The following EDARADD variants were observed in gnomAD, a reference collection of about 807,000 sequenced individuals.
The protein encoded by EDARADD is EDAR associated via death domain.
Under a neutral mutation model 25.6 loss-of-function variants are expected in EDARADD, and 20 were observed. The ratio of observed to expected loss-of-function variants is 0.78; its 90% CI spans 0.55 to 1.14. EDARADD has a LOEUF of 1.14. Ranked by LOEUF, EDARADD falls within the 50% of genes most tolerant of loss-of-function variation. The pLI is 0.00. For missense variants in EDARADD, 225 were observed against 270.1 expected (o/e 0.83, Z 1.17); for synonymous variants, 86 against 94.4 (o/e 0.91, Z 0.52).
At chr1:236,394,257 A>T, upstream of EDARADD, 3 of 602,474 alleles carry the variant, frequency 5.0e-6, no homozygotes, top group East Asian at 2.9e-5. Flanking sequence ...AAATACCCTT[A>T]AAAAAAATTT....
intron 3 of EDARADD, among the ~76,000 whole-genome samples, chr1:236,372,044 A>G (rs755476728): frequency 2.0e-5 from 3 of 151,062 alleles, no homozygotes; most frequent in Non-Finnish European, 4.4e-5. Context: ...GCAGCCTCTG[A>G]CTCCCGGGTT....
chr1:236,454,025 A>T (rs1261739136), intron 4 of EDARADD, among the ~76,000 whole-genome samples: 4 of 150,912 alleles, frequency 2.7e-5, no homozygotes, highest in African/African-American at 7.4e-5. Context: ...AAGGATGCAG[A>T]GTTTGTATCT....
At chr1:236,470,305 T>A (rs1338248979) in intron 5 of EDARADD, among the ~76,000 whole-genome samples, 2 of 152,222 alleles carry the variant, frequency 1.3e-5, no homozygotes, top group Non-Finnish European at 2.9e-5. Context: ...GGAGCATTAA[T>A]TTTTTCCATA....
At chr1:236,464,423 C>CTTGCTT (rs1558133539) in intron 4 of EDARADD, among the ~76,000 whole-genome samples, 1 of 72,982 alleles carries the variant, frequency 1.4e-5, no homozygotes, top group Admixed American at 1.7e-4. Flanking sequence ...CTTGCTGCAA[C>CTTGCTT]TTTTTTTTTT....
intron 4 of EDARADD, among the ~76,000 whole-genome samples, chr1:236,431,617 G>C (rs188599133): frequency 6.6e-6 from 1 of 152,264 alleles, no homozygotes; most frequent in East Asian, 1.9e-4. Flanking sequence ...GGAGGAGGAG[G>C]TGGAAGTTAA....
At chr1:236,462,401 G>A (rs1001629922) in intron 4 of EDARADD, among the ~76,000 whole-genome samples, 4 of 151,470 alleles carry the variant, frequency 2.6e-5, no homozygotes, top group Non-Finnish European at 4.4e-5. Flanking sequence ...TCCATTTTGG[G>A]TTGGTCTATT....
At chr1:236,420,201 A>G (rs1657747997) in intron 3 of EDARADD, among the ~76,000 whole-genome samples, 1 of 152,182 alleles carries the variant, frequency 6.6e-6, no homozygotes. Flanking sequence ...AAATAAATAC[A>G]TAAAATAAAA....
chr1:236,424,154 CTT>C (rs34454343), intron 3 of EDARADD, among the ~76,000 whole-genome samples: 43 of 74,416 alleles, frequency 5.8e-4, no homozygotes, highest in African/African-American at 1.7e-3. Context: ...TGTGAAGCAT[CTT>C]TTTTTTTTTT....
chr1:236,409,308 T>C (rs1558114148), intron 2 of EDARADD, 34 bp downstream of exon 2: 1 of 1,545,222 alleles, frequency 6.5e-7, no homozygotes. Flanking sequence ...TGGTGATAAT[T>C]ATTGTTTTGC....
At chr1:236,401,859 T>C (rs748405012) in intron 1 of EDARADD, among the ~76,000 whole-genome samples, 8 of 152,088 alleles carry the variant, frequency 5.3e-5, no homozygotes, top group Non-Finnish European at 1.0e-4. Context: ...ATCATCAGAG[T>C]GGGCTCTAAA....
chr1:236,475,487 G>T (rs1348515786), intron 5 of EDARADD, among the ~76,000 whole-genome samples: 1 of 152,062 alleles, frequency 6.6e-6, no homozygotes, highest in Non-Finnish European at 1.5e-5. Context: ...CACACAGGGC[G>T]AGCACTGTGG....
intron 2 of EDARADD, among the ~76,000 whole-genome samples, chr1:236,412,816 A>G (rs776069330): frequency 6.6e-6 from 1 of 152,190 alleles, no homozygotes; most frequent in Non-Finnish European, 1.5e-5. Flanking sequence ...TTGTAATTCC[A>G]TCTCTGGGAA....
chr1:236,421,539 C>A (rs1208562251), intron 3 of EDARADD, among the ~76,000 whole-genome samples: 1 of 141,824 alleles, frequency 7.1e-6, no homozygotes, highest in Non-Finnish European at 1.5e-5. Flanking sequence ...ACTCTGTCGC[C>A]CAGGCTGGGG....
intron 3 of EDARADD, among the ~76,000 whole-genome samples, chr1:236,424,980 A>G (rs1657876118): frequency 6.6e-6 from 1 of 152,172 alleles, no homozygotes; most frequent in Non-Finnish European, 1.5e-5. Context: ...TTGTCTCCAT[A>G]TGTCCCAAGG....
intron 3 of EDARADD, among the ~76,000 whole-genome samples, chr1:236,370,191 C>T (rs774256266): frequency 6.6e-6 from 1 of 152,122 alleles, no homozygotes; most frequent in Non-Finnish European, 1.5e-5. Flanking sequence ...GAGGTGCAGG[C>T]GGGCAGATTG....
intron 3 of EDARADD, among the ~76,000 whole-genome samples, chr1:236,369,409 T>C (rs560302559): frequency 1.3e-5 from 2 of 152,354 alleles, no homozygotes; most frequent in African/African-American, 4.8e-5. Flanking sequence ...CTTATACAGA[T>C]TGCAGAGGCC....
Position 236,432,266 on chromosome 1 carries a change from A to AGGCATGCTTG in EDARADD, c.219+4816_219+4817insGGCATGCTTG, listed in dbSNP as rs1658116341. ...AAAAATTAACCACACCTGTGGTCCC[A>AGGCATGCTTG]TGGTCCCAGCTGCTCAGGAGGCTGA... On this transcript the variant is annotated intron_variant, in intron 4 of 5. Coordinates refer to ENST00000334232, the MANE Select transcript of EDARADD (RefSeq NM_145861.4). Among the ~76,000 whole-genome samples the AGGCATGCTTG allele has an allele frequency of 5.9e-5, 9 of 151,532 alleles. No homozygotes were observed. The South Asian group carries it at 1.9e-3, about 32-fold the overall frequency.
intron 3 of EDARADD, among the ~76,000 whole-genome samples, chr1:236,419,528 G>A (rs980451870): frequency 2.0e-5 from 3 of 152,178 alleles, no homozygotes; most frequent in Non-Finnish European, 4.4e-5. Flanking sequence ...CACCTATTAC[G>A]TTGGGCTGTG....
intron 5 of EDARADD, among the ~76,000 whole-genome samples, chr1:236,480,607 T>C (rs915561057): frequency 6.6e-6 from 1 of 152,156 alleles, no homozygotes; most frequent in Admixed American, 6.5e-5. Flanking sequence ...GTTATATATA[T>C]AGTAAAGGCT....
Sources: allele counts gnomAD v4.1 joint callset (sites outside exome capture counted in the v4.1 genomes callset), GRCh38; gene constraint gnomAD v4.1.1; transcripts MANE v1.5; gene names NCBI Gene and HGNC (gene_info 2026-07-23, HGNC 2026-07-21).